The following PAFAH1B1 variants were observed in gnomAD, a reference collection of about 807,000 sequenced individuals.
PAFAH1B1 encodes platelet-activating factor acetylhydrolase IB subunit beta.
Under a neutral mutation model 57.5 loss-of-function variants are expected in PAFAH1B1, and 2 were observed. The ratio of observed to expected loss-of-function variants is 0.03; its 90% CI spans 0.01 to 0.11. The LOEUF (loss-of-function observed/expected upper bound fraction) is 0.11, where lower values mean the gene tolerates loss of function less well. Ranked by LOEUF, PAFAH1B1 falls within the 10% of genes least tolerant of loss-of-function variation. The pLI, the probability that PAFAH1B1 is intolerant of heterozygous loss-of-function variation, is 1.00. For synonymous variants in PAFAH1B1, 152 were observed against 169.6 expected (o/e 0.90, Z 0.81); for missense variants, 257 against 512.0 (o/e 0.50, Z 4.81).
At chr17:2,601,164 C>T (rs573277866) in intron 1 of PAFAH1B1, among the ~76,000 whole-genome samples, 8 of 152,040 alleles carry the variant, frequency 5.3e-5, no homozygotes, top group African/African-American at 9.7e-5. Flanking sequence ...GACTGAGTCT[C>T]GTTCTTGTCG....
intron 1 of PAFAH1B1, among the ~76,000 whole-genome samples, chr17:2,627,326 A>T (rs1203482916): frequency 6.6e-6 from 1 of 152,118 alleles, no homozygotes; most frequent in Non-Finnish European, 1.5e-5. Flanking sequence ...CAGTTATCTC[A>T]GCACTATTTA....
At chr17:2,660,426 G>A (rs1056487910) in intron 2 of PAFAH1B1, among the ~76,000 whole-genome samples, 13 of 151,774 alleles carry the variant, frequency 8.6e-5, no homozygotes, top group African/African-American at 2.2e-4. Context: ...CAACAGGCCC[G>A]GGTGTGTGTT....
intron 9 of PAFAH1B1, among the ~76,000 whole-genome samples, chr17:2,676,933 C>T (rs996838633): frequency 6.6e-6 from 1 of 152,060 alleles, no homozygotes; most frequent in Non-Finnish European, 1.5e-5. Flanking sequence ...GAGGCCGAGG[C>T]GGGTGGATCA....
Position 2,685,398 on chromosome 17 carries a change from G to A in PAFAH1B1, c.*3596G>A, listed in dbSNP as rs773103119. On this transcript the variant is annotated 3_prime_UTR_variant, in exon 11 of 11. Transcript: ENST00000397195. ...ATTTCGTATGAACGTTGCTGAAGTG[G>A]TAATTGAGGAAAACAGTTCCCCAGA... 1 of 152,312 alleles carries A rather than the reference G, an allele frequency of 6.6e-6. No homozygotes were observed. The highest frequency in any genetic ancestry group is 1.5e-5 in the Non-Finnish European group (1 of 68,006). The allele number at this position is 152,312 out of a possible 1,614,324, so 9.4% of individuals were successfully genotyped here. A position where few individuals can be genotyped will look rare whatever the true frequency, so the allele number is the denominator to read the frequency against.
chr17:2,613,745 A>G, intron 1 of PAFAH1B1: 1 of 299,686 alleles, frequency 3.3e-6, no homozygotes, highest in Non-Finnish European at 6.7e-6. Context: ...CTCCCCATCC[A>G]CAGAGAGTCC....
intron 2 of PAFAH1B1, among the ~76,000 whole-genome samples, chr17:2,662,700 C>T (rs1448629220): frequency 1.3e-5 from 2 of 152,084 alleles, no homozygotes; most frequent in Non-Finnish European, 2.9e-5. Flanking sequence ...CCACTGCGCC[C>T]AGCCTTCTCT....
At chr17:2,611,910 G>T (rs1427282545) in intron 1 of PAFAH1B1, among the ~76,000 whole-genome samples, 1 of 152,118 alleles carries the variant, frequency 6.6e-6, no homozygotes, top group East Asian at 1.9e-4. Flanking sequence ...AGAAGAGGTG[G>T]TTACTCTGTG....
chr17:2,614,125 C>G (rs777004134), intron 1 of PAFAH1B1, among the ~76,000 whole-genome samples: 1 of 147,058 alleles, frequency 6.8e-6, no homozygotes, highest in Non-Finnish European at 1.5e-5. Context: ...ACCTCCCAGG[C>G]TCAAGCTATC....
chr17:2,669,969 A>C (rs147529883), intron 5 of PAFAH1B1, among the ~76,000 whole-genome samples, 194 bp from the exon 6 acceptor site: 68 of 152,288 alleles, frequency 4.5e-4, no homozygotes, highest in African/African-American at 1.3e-3. Flanking sequence ...GATTTTAATA[A>C]TTGCAACATT....
intron 1 of PAFAH1B1, among the ~76,000 whole-genome samples, chr17:2,637,066 C>T (rs182889970): frequency 6.6e-6 from 1 of 152,240 alleles, no homozygotes; most frequent in East Asian, 1.9e-4. Context: ...TTACTGTATT[C>T]TCAGTGCCTG....
rs1259160593 is a variant in PAFAH1B1 at position 2,684,805 on chromosome 17, G to C, written c.*3003G>C. The C allele has an allele frequency of 6.6e-6, 1 of 152,620 alleles. No individual in the cohort carries two copies. Among genetic ancestry groups the C allele is most frequent in the African/African-American group, 2.4e-5 (1 of 41,426 alleles). The allele number at this position is 152,620 out of a possible 1,614,324, so 9.5% of individuals were successfully genotyped here. ...TGGGGAGCGTTCGCCGTAGTCTTTG[G>C]AAGCTTTGGCTTTAGATTTACCAAG... On this transcript the variant is annotated 3_prime_UTR_variant, in exon 11 of 11. Transcript: ENST00000397195.
At chr17:2,676,417 A>G in intron 8 of PAFAH1B1, 88 bp from the exon 9 acceptor site, 1 of 851,370 alleles carries the variant, frequency 1.2e-6, no homozygotes, top group Non-Finnish European at 2.0e-6. Flanking sequence ...AAAAATTGGA[A>G]ATATATATCA....
intron 2 of PAFAH1B1, among the ~76,000 whole-genome samples, chr17:2,656,598 T>C (rs538739838): frequency 6.6e-6 from 1 of 152,312 alleles, no homozygotes; most frequent in East Asian, 1.9e-4. Flanking sequence ...TAATTGAATA[T>C]CCTGCTCTTC....
At chr17:2,598,215 C>T (rs1597505711) in intron 1 of PAFAH1B1, among the ~76,000 whole-genome samples, 1 of 152,180 alleles carries the variant, frequency 6.6e-6, no homozygotes, top group African/African-American at 2.4e-5. Context: ...CACCATTACG[C>T]TCCAGCCTGG....
Position 2,593,685 on chromosome 17 carries a change from AG to A in PAFAH1B1, c.-511del, listed in dbSNP as rs2151603515. On this transcript the variant is annotated 5_prime_UTR_variant, in exon 1 of 11. Coordinates refer to ENST00000397195, the MANE Select transcript of PAFAH1B1 (RefSeq NM_000430.4). Reference sequence around the variant, plus strand: ...AGCTGGAGCGGCGGGGCGGCGGCGGAGTCCGGCGGCCGGGAGAGCGAGTGAG... The same window carrying A: ...AGCTGGAGCGGCGGGGCGGCGGCGGATCCGGCGGCCGGGAGAGCGAGTGAG... 4.8e-6 allele frequency: 1 copy of A among 209,552 alleles called. No individual in the cohort carries two copies. Among genetic ancestry groups the A allele is most frequent in the East Asian group, 9.4e-5 (1 of 10,642 alleles). The allele number at this position is 209,552 out of a possible 1,614,324, so 13.0% of individuals were successfully genotyped here.
At chr17:2,625,712 G>A (rs1220500872) in intron 1 of PAFAH1B1, among the ~76,000 whole-genome samples, 2 of 152,148 alleles carry the variant, frequency 1.3e-5, no homozygotes, top group Non-Finnish European at 2.9e-5. Flanking sequence ...AATCGCTTGA[G>A]CCCAGGAATT....
At chr17:2,664,491 C>T (rs938329633) in intron 2 of PAFAH1B1, among the ~76,000 whole-genome samples, 2 of 151,548 alleles carry the variant, frequency 1.3e-5, no homozygotes, top group Non-Finnish European at 2.9e-5. Context: ...CTGCAATCTC[C>T]GCCTCCCGGG....
chr17:2,678,134 G>T (rs1360766124), intron 9 of PAFAH1B1, among the ~76,000 whole-genome samples: 3 of 152,042 alleles, frequency 2.0e-5, no homozygotes, highest in Non-Finnish European at 4.4e-5. Context: ...AGGCGCGGTG[G>T]CTCACGCCTG....
At chr17:2,613,870 C>A in intron 1 of PAFAH1B1, 1 of 217,444 alleles carries the variant, frequency 4.6e-6, no homozygotes, top group East Asian at 1.1e-4. Flanking sequence ...GAGGTGAGGG[C>A]ACTCCCAGAA....
Sources: allele counts gnomAD v4.1 joint callset (sites outside exome capture counted in the v4.1 genomes callset), GRCh38; gene constraint gnomAD v4.1.1; transcripts MANE v1.5; gene names NCBI Gene and HGNC (gene_info 2026-07-23, HGNC 2026-07-21).